INTS6: variants seen among roughly 807,000 people sequenced by gnomAD.
INTS6 encodes the protein DEAD box protein.
A neutral mutation model predicts 104.9 loss-of-function variants in INTS6; 16 were observed. The observed-to-expected ratio is 0.15, with a 90% CI of 0.10 to 0.23. The LOEUF (loss-of-function observed/expected upper bound fraction) is 0.23, where lower values mean the gene tolerates loss of function less well. Ranked by LOEUF, INTS6 falls within the 10% of genes least tolerant of loss-of-function variation. INTS6 has a pLI of 1.00. For missense variants in INTS6, 584 were observed against 1,062.8 expected (o/e 0.55, Z 6.26); for synonymous variants, 324 against 358.7 (o/e 0.90, Z 1.09).
intron 4 of INTS6, among the ~76,000 whole-genome samples, chr13:51,410,659 T>G (rs1052829557): frequency 6.6e-6 from 1 of 151,910 alleles, no homozygotes; most frequent in African/African-American, 2.4e-5. Flanking sequence ...AAAAGATCTC[T>G]TAAATAAGAC....
intron 2 of INTS6, chr13:51,451,648 G>T (rs1343459043): frequency 1.9e-5 from 3 of 158,578 alleles, no homozygotes; most frequent in South Asian, 1.8e-4. Flanking sequence ...CGGCTAACTT[G>T]AATAAATATC....
intron 2 of INTS6, 49 bp from the exon 3 acceptor site, chr13:51,451,223 T>C: frequency 7.0e-7 from 1 of 1,434,750 alleles, no homozygotes; most frequent in Non-Finnish European, 9.3e-7. Context: ...TAAAGCCATG[T>C]ACACAGAGCC....
At chr13:51,425,720 C>G (rs73492261) in intron 4 of INTS6, among the ~76,000 whole-genome samples, 4,946 of 152,098 alleles carry the variant, frequency 0.033, 280 homozygotes, top group African/African-American at 0.11. Flanking sequence ...AGAGGATTAT[C>G]TGCAGATATC....
intron 4 of INTS6, among the ~76,000 whole-genome samples, chr13:51,421,686 A>G (rs980513213): frequency 1.3e-5 from 2 of 152,208 alleles, no homozygotes; most frequent in African/African-American, 4.8e-5. Context: ...AAGAGAGTGC[A>G]CCATCAGAAA....
intron 4 of INTS6, among the ~76,000 whole-genome samples, chr13:51,399,123 T>A (rs569044990): frequency 5.3e-5 from 8 of 152,346 alleles, no homozygotes; most frequent in African/African-American, 1.9e-4. Flanking sequence ...TCTTTCATCA[T>A]TGTAAAGGTA....
chr13:51,437,623 A>G (rs1014869500), intron 3 of INTS6: 7 of 152,132 alleles, frequency 4.6e-5, no homozygotes, highest in African/African-American at 9.7e-5. Flanking sequence ...TTAAAAAGGG[A>G]AAAAAAATTC....
chr13:51,348,369 C>T, the INTS6 span: 1 of 1,613,918 alleles, frequency 6.2e-7, no homozygotes, highest in African/African-American at 1.3e-5. Context: ...CACCTCTGGA[C>T]CACCAGCCTG....
chr13:51,399,637 A>G (rs551548498), intron 4 of INTS6, among the ~76,000 whole-genome samples: 1 of 152,306 alleles, frequency 6.6e-6, no homozygotes, highest in East Asian at 1.9e-4. Context: ...AGCGTATAAC[A>G]GAACCAGTTG....
intron 3 of INTS6, chr13:51,440,802 T>C (rs748439064): frequency 1.3e-5 from 2 of 152,226 alleles, no homozygotes; most frequent in African/African-American, 2.4e-5. Flanking sequence ...TAGGTTTCTG[T>C]AGGTATACTC....
chr13:51,403,057 G>A lies in INTS6; in HGVS notation c.430-7574C>T, dbSNP rs193231178. On this transcript the variant is annotated intron_variant, in intron 4 of 17. Transcript: ENST00000311234. Reference sequence around the variant, plus strand: ...TTTTAGCTAGCTCATTGTAAGAAAAGCTATTATAAAATCTCAGATAACCAA... The same window carrying A: ...TTTTAGCTAGCTCATTGTAAGAAAAACTATTATAAAATCTCAGATAACCAA... Among the ~76,000 whole-genome samples the A allele has an allele frequency of 2.0e-5, 3 of 152,204 alleles. No individual in the cohort carries two copies. The East Asian group carries it at 5.8e-4, about 29-fold the overall frequency.
At chr13:51,348,103 C>T in the INTS6 span, 1 of 788,360 alleles carries the variant, frequency 1.3e-6, no homozygotes, top group Non-Finnish European at 2.0e-6. Flanking sequence ...GAGGTGGATG[C>T]TCGGTTTTAT....
downstream of INTS6, among the ~76,000 whole-genome samples, chr13:51,352,471 G>GT (rs796835423): frequency 5.3e-4 from 80 of 150,332 alleles, no homozygotes; most frequent in African/African-American, 1.3e-3. Context: ...GCTCTGATAG[G>GT]TTTTTTTTTG....
At chr13:51,414,176 C>T (rs74084846) in intron 4 of INTS6, among the ~76,000 whole-genome samples, 71 of 152,294 alleles carry the variant, frequency 4.7e-4, no homozygotes, top group African/African-American at 1.7e-3. Context: ...ATCAACCATT[C>T]AGATAAAAGC....
At chr13:51,422,037 T>C (rs964390754) in intron 4 of INTS6, among the ~76,000 whole-genome samples, 3 of 152,212 alleles carry the variant, frequency 2.0e-5, no homozygotes, top group Non-Finnish European at 4.4e-5. Context: ...TATCAGAATC[T>C]GCTCATTTCA....
At chr13:51,355,096 T>C in intron 3 of INTS6, 2 of 1,552,490 alleles carry the variant, frequency 1.3e-6, no homozygotes, top group Non-Finnish European at 8.7e-7. Context: ...TCTTGGGGAG[T>C]CACCGATCTT....
chr13:51,421,243 C>A (rs1283494978), intron 4 of INTS6: 1 of 985,490 alleles, frequency 1.0e-6, no homozygotes, highest in Non-Finnish European at 1.2e-6. Context: ...GATCCTGTAT[C>A]CAGGAATCAT....
downstream of INTS6, among the ~76,000 whole-genome samples, chr13:51,353,828 AG>A (rs1216041874): frequency 1.3e-5 from 2 of 152,196 alleles, no homozygotes; most frequent in African/African-American, 4.8e-5. Context: ...CTCTCCTGCA[AG>A]TTCTGTATTA....
Position 51,374,747 on chromosome 13 carries a change from G to A in INTS6, c.1779C>T (p.Tyr593=). 6.2e-7 allele frequency: 1 copy of A among 1,613,482 alleles called. No homozygotes were observed. Among genetic ancestry groups the A allele is most frequent in the Non-Finnish European group, 8.5e-7 (1 of 1,179,876 alleles). Residue 593 remains tyrosine, a synonymous_variant, in exon 14 of 18, where the codon TAC becomes TAT. Coordinates refer to ENST00000311234, the MANE Select transcript of INTS6 (RefSeq NM_012141.3). ...TTAGTGGAGAAGGTACTTGCTTGAG[G>A]TATTCCTGGTAGTTCCCCATTTGTG... is the stretch of plus-strand genomic sequence containing the variant. ...PIAQMGNYQE[Y]LKQVPSPLRE... is the part of the protein sequence containing the mutation.
intron 15 of INTS6, among the ~76,000 whole-genome samples, chr13:51,371,301 CCAGA>C (rs1010100012): frequency 6.6e-6 from 1 of 152,154 alleles, no homozygotes; most frequent in African/African-American, 2.4e-5. Context: ...CCTTTCACAT[CCAGA>C]CAAATTCAGA....
Sources: gnomAD v4.1 joint callset for allele counts (sites outside exome capture counted in the v4.1 genomes callset) on GRCh38, gnomAD v4.1.1 for gene constraint, MANE v1.5 for transcripts, NCBI Gene and HGNC (gene_info 2026-07-23, HGNC 2026-07-21) for gene names.